The following UBA3 variants were observed in gnomAD, a reference collection of about 807,000 sequenced individuals.
The protein encoded by UBA3 is ubiquitin like modifier activating enzyme 3.
Under a neutral mutation model 73.5 loss-of-function variants are expected in UBA3, and 26 were observed. The observed-to-expected ratio is 0.35, with a 90% CI of 0.26 to 0.49. The LOEUF is 0.49. UBA3 is among the 20% of genes least tolerant of loss of function. UBA3 has a pLI of 0.98. For missense variants in UBA3, 495 were observed against 555.6 expected, an observed-to-expected ratio of 0.89 and a Z score of 1.10; for synonymous variants, 217 against 191.2, an observed-to-expected ratio of 1.13 and a Z score of -1.11.
At chr3:69,074,176 C>T (rs1575846293) in intron 4 of UBA3, among the ~76,000 whole-genome samples, 1 of 152,142 alleles carries the variant, frequency 6.6e-6, no homozygotes, top group Non-Finnish European at 1.5e-5. Flanking sequence ...CAAATAATGG[C>T]TTCAAAATTT....
At chr3:69,078,484 C>CT (rs1040950559) in intron 2 of UBA3, among the ~76,000 whole-genome samples, 4 of 151,800 alleles carry the variant, frequency 2.6e-5, no homozygotes, top group Non-Finnish European at 4.4e-5. Context: ...TTTTCTTTTT[C>CT]TTTTTTTGTG....
chr3:69,059,859 G>C (rs1389813244), intron 11 of UBA3, among the ~76,000 whole-genome samples: 1 of 152,166 alleles, frequency 6.6e-6, no homozygotes, highest in Non-Finnish European at 1.5e-5. Context: ...CACTATGATT[G>C]AGCATGACTG....
In UBA3 at chr3:69,055,922, C is replaced by G. The variant is rs1467920656; in HGVS notation, c.1249-17G>C. Reference sequence around the variant, plus strand: ...GGTTACCGACTAGAAAACAAAATTACTTTAATGTAAGACACATTAAAGTAA... The same window carrying G: ...GGTTACCGACTAGAAAACAAAATTAGTTTAATGTAAGACACATTAAAGTAA... On this transcript the variant is annotated splice_polypyrimidine_tract_variant and intron_variant, in intron 16 of 17. Coordinates refer to ENST00000361055, the MANE Select transcript of UBA3 (RefSeq NM_003968.4). 1 of 1,609,380 alleles carries G rather than the reference C, an allele frequency of 6.2e-7. No homozygotes were observed. The highest frequency in any genetic ancestry group is 1.3e-5 in the African/African-American group (1 of 74,630).
chr3:69,067,505 C>A (rs545876695), intron 6 of UBA3, among the ~76,000 whole-genome samples: 1 of 152,204 alleles, frequency 6.6e-6, no homozygotes, highest in South Asian at 2.1e-4. Flanking sequence ...AAACATATTT[C>A]TTGTAAAAAT....
intron 11 of UBA3, among the ~76,000 whole-genome samples, chr3:69,059,225 G>C (rs1307038359): frequency 1.3e-5 from 2 of 152,290 alleles, no homozygotes; most frequent in East Asian, 3.9e-4. Flanking sequence ...GTCCATTAGA[G>C]AGAATGGTCA....
intron 4 of UBA3, among the ~76,000 whole-genome samples, chr3:69,074,741 A>G (rs900340935): frequency 1.3e-5 from 2 of 152,236 alleles, no homozygotes; most frequent in African/African-American, 4.8e-5. Flanking sequence ...CGACTTTGTG[A>G]TTAGAAAAAG....
At chr3:69,074,902 A>G (rs2092152156) in intron 4 of UBA3, among the ~76,000 whole-genome samples, 1 of 152,164 alleles carries the variant, frequency 6.6e-6, no homozygotes, top group African/African-American at 2.4e-5. Flanking sequence ...TCACTGAAAA[A>G]GAACACTTAA....
intron 11 of UBA3, among the ~76,000 whole-genome samples, chr3:69,058,134 G>T (rs909668949): frequency 9.2e-5 from 14 of 152,140 alleles, no homozygotes; most frequent in African/African-American, 3.4e-4. Context: ...GTTTCACCGT[G>T]TTAGCCACGA....
intron 4 of UBA3, among the ~76,000 whole-genome samples, chr3:69,072,895 T>C (rs2092132576): frequency 6.6e-6 from 1 of 152,186 alleles, no homozygotes. Flanking sequence ...GATTCCTTTC[T>C]CTCACAGCAC....
Position 69,068,510 on chromosome 3 carries a change from GA to G in UBA3, c.348-503del, listed in dbSNP as rs111540560. Among the ~76,000 whole-genome samples the G allele has an allele frequency of 8.3e-4, 34 of 40,754 alleles. 1 individual carries two copies. The highest frequency in any genetic ancestry group is 2.5e-3 in the African/African-American group (26 of 10,472). The allele number at this position is 40,754 out of a possible 152,430, so 26.7% of individuals were successfully genotyped here. A position where few individuals can be genotyped will look rare whatever the true frequency, so the allele number is the denominator to read the frequency against. On this transcript the variant is annotated intron_variant, in intron 5 of 17. Coordinates refer to ENST00000361055, the MANE Select transcript of UBA3 (RefSeq NM_003968.4). ...AAGCTGCATGAAAAAGAAAAAAAAA[GA>G]AAAAAAAAATTTCACTGGACCGTAT...
intron 5 of UBA3, chr3:69,071,298 AAGG>A: frequency 5.6e-6 from 2 of 359,084 alleles, no homozygotes; most frequent in African/African-American, 4.4e-5. Context: ...AAACCTTTGG[AAGG>A]AGACTTCTTC....
At chr3:69,055,675 T>C (rs1278323180) in intron 17 of UBA3, 150 bp from the exon 18 acceptor site, 3 of 907,968 alleles carry the variant, frequency 3.3e-6, no homozygotes, top group African/African-American at 1.7e-5. Context: ...TCTTAGAGAT[T>C]TTAAAATATT....
rs762107843 is a variant in UBA3, at chr3:69,077,812, C to T, written c.169G>A (p.Glu57Lys). The T allele has an allele frequency of 3.1e-6, 5 of 1,612,864 alleles. No homozygotes were observed. In the South Asian group the frequency reaches 3.3e-5, roughly 11 times the overall value. ...ACGTTTCTCACTTCAGTGCTCGGTTCGAAATCAGGGTGTGTGAAGGGTCCA... is the reference window on the plus strand; with the variant it reads ...ACGTTTCTCACTTCAGTGCTCGGTTTGAAATCAGGGTGTGTGAAGGGTCCA... ...RSGPFTHPDF[E>K]PSTESLQFLL... The change falls in exon 3 of 18, where the codon GAA becomes AAA. Residue 57 changes from glutamate (E) to lysine (K), a missense_variant. By Grantham distance (56) the Glu-to-Lys change is moderately conservative. Coordinates refer to ENST00000361055, the MANE Select transcript of UBA3 (RefSeq NM_003968.4).
intron 11 of UBA3, 27 bp from the exon 12 acceptor site, chr3:69,057,336 G>A (rs2091982891): frequency 6.3e-7 from 1 of 1,582,062 alleles, no homozygotes; most frequent in Non-Finnish European, 8.6e-7. Context: ...ATTAAAATAT[G>A]GTCATTTCTT....
chr3:69,059,676 A>G (rs2092005966), intron 11 of UBA3, among the ~76,000 whole-genome samples: 1 of 152,016 alleles, frequency 6.6e-6, no homozygotes, highest in African/African-American at 2.4e-5. Context: ...ACAAGGAGTA[A>G]GTATAAATGG....
chr3:69,063,530 A>C (rs1171312311), intron 7 of UBA3, 27 bp from the exon 8 acceptor site: 2 of 1,525,700 alleles, frequency 1.3e-6, no homozygotes, highest in Non-Finnish European at 1.8e-6. Context: ...AAGCAACTTT[A>C]GTTTTTAAAT....
chr3:69,060,468 GCAT>G (rs1340415053), intron 11 of UBA3, among the ~76,000 whole-genome samples: 2 of 152,156 alleles, frequency 1.3e-5, no homozygotes, highest in Non-Finnish European at 2.9e-5. Flanking sequence ...CTTTAAGACT[GCAT>G]CAGTTATCAG....
rs531370070 is a variant in UBA3, at chr3:69,060,615, C to A, written c.910+1199G>T. Among the ~76,000 whole-genome samples the A allele has an allele frequency of 1.4e-4, 21 of 152,246 alleles. 1 individual carries two copies. In the South Asian group the frequency reaches 4.1e-3, roughly 30 times the overall value. ...CTGGAATATGGTTACAGAAAAACAA[C>A]ATGAGAACCTGAAGCTGTACAACAT... On this transcript the variant is annotated intron_variant, in intron 11 of 17. Transcript: ENST00000361055.
chr3:69,055,872 T>G lies in UBA3; in HGVS notation c.1282A>C (p.Asn428His). 1 of 1,612,712 alleles carries G rather than the reference T, an allele frequency of 6.2e-7. No individual in the cohort carries two copies. The highest frequency in any genetic ancestry group is 1.3e-5 in the African/African-American group (1 of 74,992). The change falls in exon 17 of 18, where the codon AAT becomes CAT. Residue 428 changes from asparagine to histidine, a missense_variant. Physicochemically the swap from Asn to His is moderately conservative, Grantham distance 68 (BLOSUM62 1). Transcript: ENST00000361055. ...VTSIEERTRP[N>H]LSKTLKELGL... ...ATACCTTTCAATGTTTTGGAGAGAT[T>G]TGGCCTTGTTCGTTCTTCAATAGAG...
Sources: allele counts gnomAD v4.1 joint callset (sites outside exome capture counted in the v4.1 genomes callset), GRCh38; gene constraint gnomAD v4.1.1; transcripts MANE v1.5; gene names NCBI Gene and HGNC (gene_info 2026-07-23, HGNC 2026-07-21).